The following MED27 variants were observed in gnomAD, a reference collection of about 807,000 sequenced individuals.
MED27 encodes mediator complex subunit 27.
Under a neutral mutation model 38.2 loss-of-function variants are expected in MED27, and 30 were observed. That is an observed-to-expected ratio of 0.79 (90% confidence interval 0.59 to 1.07). The LOEUF (loss-of-function observed/expected upper bound fraction) is 1.07, where lower values mean the gene tolerates loss of function less well. Among genes scored for constraint, MED27 ranks in the 50% least tolerant of loss-of-function variants. The pLI, the probability that MED27 is intolerant of heterozygous loss-of-function variation, is 0.00. For synonymous variants in MED27, 122 were observed against 153.5 expected (o/e 0.79, Z 1.52); for missense variants, 289 against 397.5 (o/e 0.73, Z 2.32).
At chr9:132,070,098 C>T (rs1000895843) in intron 2 of MED27, among the ~76,000 whole-genome samples, 6 of 152,192 alleles carry the variant, frequency 3.9e-5, no homozygotes, top group African/African-American at 1.4e-4. Flanking sequence ...GGCAAAGACA[C>T]GTTCTGCCAC....
chr9:131,873,914 G>T (rs146876712), intron 6 of MED27, among the ~76,000 whole-genome samples: 16 of 152,308 alleles, frequency 1.1e-4, no homozygotes, highest in Admixed American at 2.6e-4. Context: ...CCCAGCCAGG[G>T]TGCCACTGAC....
chr9:131,890,441 G>A (rs990295661), intron 5 of MED27, among the ~76,000 whole-genome samples: 2 of 152,354 alleles, frequency 1.3e-5, no homozygotes, highest in East Asian at 1.9e-4. Flanking sequence ...GAGAAAGAGA[G>A]AGGCCGGGCT....
intron 2 of MED27, among the ~76,000 whole-genome samples, chr9:132,022,380 G>A (rs1832735542): frequency 6.6e-6 from 1 of 152,112 alleles, no homozygotes; most frequent in African/African-American, 2.4e-5. Context: ...CACATCTCAG[G>A]ATTATCTTTA....
intron 3 of MED27, among the ~76,000 whole-genome samples, chr9:132,009,839 G>A (rs936003547): frequency 2.0e-5 from 3 of 152,228 alleles, no homozygotes; most frequent in Non-Finnish European, 4.4e-5. Context: ...TTATAAGGGG[G>A]TTGAAAGGAT....
At chr9:132,023,202 T>C (rs1832753449) in intron 2 of MED27, among the ~76,000 whole-genome samples, 1 of 151,492 alleles carries the variant, frequency 6.6e-6, no homozygotes, top group African/African-American at 2.5e-5. Flanking sequence ...ATTTCTCTTT[T>C]TCCCCCCCAA....
intron 6 of MED27, among the ~76,000 whole-genome samples, chr9:131,869,681 G>A (rs1430908240): frequency 1.3e-5 from 2 of 152,176 alleles, no homozygotes; most frequent in Non-Finnish European, 2.9e-5. Flanking sequence ...TGAGGCAGGG[G>A]TCCCTGAAGC....
At chr9:131,868,751 C>G (rs919923155) in intron 6 of MED27, 3 of 985,394 alleles carry the variant, frequency 3.0e-6, no homozygotes, top group South Asian at 9.4e-5. Context: ...GATAAAGGTG[C>G]AGGCCCAGGG....
chr9:131,959,954 G>A (rs1357995706), intron 3 of MED27, among the ~76,000 whole-genome samples: 1 of 152,110 alleles, frequency 6.6e-6, no homozygotes, highest in Non-Finnish European at 1.5e-5. Flanking sequence ...GACTAAAGAT[G>A]AGTATTTTAA....
intron 4 of MED27, among the ~76,000 whole-genome samples, chr9:131,904,293 C>A (rs1324315332): frequency 6.6e-6 from 1 of 152,210 alleles, no homozygotes; most frequent in Non-Finnish European, 1.5e-5. Context: ...TCTGCCTCAG[C>A]CTTCCAAAGT....
rs1005172259 is a variant in MED27, at chr9:131,913,571, C to T, written c.574-19579G>A. Among the ~76,000 whole-genome samples the T allele has an allele frequency of 2.6e-5, 4 of 152,300 alleles. No individual in the cohort carries two copies. In the South Asian group the frequency reaches 8.3e-4, roughly 32 times the overall value. On this transcript the variant is annotated intron_variant, in intron 4 of 7. Transcript: ENST00000292035. The surrounding 1 kb of genome is among the most constrained non-coding windows in gnomAD (Gnocchi z 4.5). Reference sequence around the variant, plus strand: ...TCTTCTAGGATCAAAAGGCAAATCTCACTGTTCACTTGTATTTCTCCCTGT... The same window carrying T: ...TCTTCTAGGATCAAAAGGCAAATCTTACTGTTCACTTGTATTTCTCCCTGT...
Position 131,939,445 on chromosome 9 carries a change from T to C in MED27, c.509A>G (p.Asp170Gly). ...QYVDDVISRIDRMFPEMSIHL... is the reference protein window; with the variant it reads ...QYVDDVISRIGRMFPEMSIHL... ...GATGGACATTTCAGGAAACATCCTG[T>C]CAATGCGGCTGATCACATCATCAAC... Residue 170 changes from aspartate to glycine, a missense_variant, in exon 4 of 8, where the codon GAC (aspartate) becomes GGC (glycine). By Grantham distance (94) the Asp-to-Gly change is moderately conservative (BLOSUM62 -1). Transcript: ENST00000292035. 6.2e-7 allele frequency: 1 copy of C among 1,611,652 alleles called. No homozygotes were observed.
intron 3 of MED27, among the ~76,000 whole-genome samples, chr9:131,975,900 C>T (rs532606761): frequency 6.6e-6 from 1 of 152,320 alleles, no homozygotes; most frequent in African/African-American, 2.4e-5. Flanking sequence ...AGAGGAACTA[C>T]AAACTGAGGG....
intron 4 of MED27, among the ~76,000 whole-genome samples, chr9:131,914,370 A>G (rs1830248882): frequency 6.6e-6 from 1 of 152,212 alleles, no homozygotes; most frequent in South Asian, 2.1e-4. Flanking sequence ...CTAATTTGCT[A>G]GGCAGGCAGG....
At chr9:131,865,796 A>AC (rs1838727615) in intron 6 of MED27, among the ~76,000 whole-genome samples, 1 of 152,228 alleles carries the variant, frequency 6.6e-6, no homozygotes, top group Non-Finnish European at 1.5e-5. Flanking sequence ...ATTTTTAAAC[A>AC]CAAATGACCA....
intron 4 of MED27, among the ~76,000 whole-genome samples, chr9:131,911,643 T>C (rs1019876244): frequency 6.6e-6 from 1 of 152,186 alleles, no homozygotes; most frequent in Non-Finnish European, 1.5e-5. Flanking sequence ...TTCTAGAAGG[T>C]GTGAAAGATT....
At position 132,079,631 on chromosome 9, in the gene MED27, C is replaced by T. The variant is rs776665013; in HGVS notation, c.203+11G>A. ...CGGTCCCCGACCCCGGCCCCTTCAG[C>T]CGGTACCTACTTGAGGTCCCGGTTG... On this transcript the variant is annotated intron_variant, in intron 1 of 7. Transcript: ENST00000292035. 38 of 1,612,138 alleles carry T rather than the reference C, an allele frequency of 2.4e-5. No individual in the cohort carries two copies. Among genetic ancestry groups the T allele is most frequent in the Non-Finnish European group, 3.1e-5 (36 of 1,179,820 alleles).
intron 2 of MED27, among the ~76,000 whole-genome samples, chr9:132,033,455 T>A (rs760955668): frequency 6.6e-6 from 1 of 152,218 alleles, no homozygotes; most frequent in South Asian, 2.1e-4. Flanking sequence ...AAAATTTAAA[T>A]TTGAAAAACT....
chr9:131,949,178 T>A (rs73553067), intron 3 of MED27, among the ~76,000 whole-genome samples: 94 of 152,250 alleles, frequency 6.2e-4, no homozygotes, highest in African/African-American at 2.2e-3. Flanking sequence ...TATTTTTGAG[T>A]GCCTACTCCT....
At chr9:132,049,778 G>A (rs748572934) in intron 2 of MED27, among the ~76,000 whole-genome samples, 10 of 152,142 alleles carry the variant, frequency 6.6e-5, no homozygotes, top group Non-Finnish European at 1.3e-4. Context: ...CTGGCTCCCA[G>A]AAGCCCACAT....
Sources: allele counts gnomAD v4.1 joint callset (sites outside exome capture counted in the v4.1 genomes callset), GRCh38; gene constraint gnomAD v4.1.1; non-coding constraint Gnocchi (gnomAD v3.1); transcripts MANE v1.5; gene names NCBI Gene and HGNC (gene_info 2026-07-23, HGNC 2026-07-21).